Variants in HS6ST3 observed in about 807,000 individuals in gnomAD.
HS6ST3 encodes heparan-sulfate 6-O-sulfotransferase 3.
A neutral mutation model predicts 36.7 loss-of-function variants in HS6ST3; 12 were observed. That is an observed-to-expected ratio of 0.33 (90% confidence interval 0.21 to 0.53). The LOEUF (loss-of-function observed/expected upper bound fraction) is 0.53. Among genes scored for constraint, HS6ST3 ranks in the 20% least tolerant of loss-of-function variants. HS6ST3 has a pLI of 0.95. For synonymous variants in HS6ST3, 240 were observed against 257.5 expected (o/e 0.93, Z 0.65); for missense variants, 584 against 640.9 (o/e 0.91, Z 0.96).
intron 1 of HS6ST3, among the ~76,000 whole-genome samples, chr13:96,433,006 C>A (rs569330271): frequency 7.9e-5 from 12 of 152,220 alleles, no homozygotes; most frequent in Admixed American, 6.5e-4. Context: ...CTGGGCAGGC[C>A]TATTTGGCTA....
chr13:96,100,492 G>C lies in HS6ST3; in HGVS notation c.707+8923G>C, dbSNP rs888829574. ...CTGTTAACCCCATTGGATGTGAAGAGGCAAAAGGAGAGAACTGTGTTATCA... is the reference window on the plus strand; with the variant it reads ...CTGTTAACCCCATTGGATGTGAAGACGCAAAAGGAGAGAACTGTGTTATCA... On this transcript the variant is annotated intron_variant, in intron 1 of 1. Transcript: ENST00000376705. 7.9e-5 allele frequency among the ~76,000 whole-genome samples: 12 copies of C among 152,288 alleles called. No individual in the cohort carries two copies. The South Asian group carries it at 8.3e-4, about 11-fold the overall frequency.
chr13:96,799,747 A>G (rs1345632353), intron 1 of HS6ST3, among the ~76,000 whole-genome samples: 1 of 150,262 alleles, frequency 6.7e-6, no homozygotes, highest in Non-Finnish European at 1.5e-5. Context: ...TAACCTGCAC[A>G]TTGTGCACAT....
At chr13:96,733,601 G>C (rs1566440813) in intron 1 of HS6ST3, among the ~76,000 whole-genome samples, 1 of 152,138 alleles carries the variant, frequency 6.6e-6, no homozygotes, top group Non-Finnish European at 1.5e-5. Flanking sequence ...TAACAATTTT[G>C]ATATTTGTCA....
chr13:96,188,219 G>GT (rs1384213790), intron 1 of HS6ST3, among the ~76,000 whole-genome samples: 3 of 152,176 alleles, frequency 2.0e-5, no homozygotes, highest in Non-Finnish European at 4.4e-5. Context: ...AGTATGATAT[G>GT]TAGGTGTATT....
At chr13:96,821,256 T>C (rs988320183) in intron 1 of HS6ST3, among the ~76,000 whole-genome samples, 1 of 152,204 alleles carries the variant, frequency 6.6e-6, no homozygotes, top group African/African-American at 2.4e-5. Context: ...ATCCCTGGCC[T>C]TGCAAGATGC....
At chr13:96,628,683 A>G (rs189755874) in intron 1 of HS6ST3, among the ~76,000 whole-genome samples, 14 of 152,222 alleles carry the variant, frequency 9.2e-5, no homozygotes, top group African/African-American at 3.1e-4. Context: ...TAATTCTAAA[A>G]TCACTATGTC....
intron 1 of HS6ST3, among the ~76,000 whole-genome samples, chr13:96,428,376 G>T (rs765534224): frequency 6.6e-6 from 1 of 152,150 alleles, no homozygotes; most frequent in Non-Finnish European, 1.5e-5. Flanking sequence ...ATCACGGACT[G>T]GGTGGTTTAA....
intron 1 of HS6ST3, among the ~76,000 whole-genome samples, chr13:96,501,789 C>G (rs1398806188): frequency 6.6e-6 from 1 of 152,224 alleles, no homozygotes; most frequent in African/African-American, 2.4e-5. Context: ...TATAAAACAT[C>G]AAATGAATCC....
intron 1 of HS6ST3, among the ~76,000 whole-genome samples, chr13:96,491,059 G>A (rs368815430): frequency 2.6e-5 from 4 of 152,176 alleles, no homozygotes; most frequent in South Asian, 2.1e-4. Context: ...CTGGGAGACC[G>A]TAGGGTATAT....
intron 1 of HS6ST3, among the ~76,000 whole-genome samples, chr13:96,338,569 A>G (rs968285280): frequency 1.3e-5 from 2 of 152,072 alleles, no homozygotes; most frequent in Admixed American, 6.6e-5. Context: ...GACATTACCA[A>G]TATCTGTCAG....
At chr13:96,166,098 G>A (rs2054158943) in intron 1 of HS6ST3, among the ~76,000 whole-genome samples, 1 of 151,786 alleles carries the variant, frequency 6.6e-6, no homozygotes, top group South Asian at 2.1e-4. Flanking sequence ...TGCCCAGGCT[G>A]GAGTGCAGTG....
At chr13:96,765,060 C>CTTTTT (rs11423735) in intron 1 of HS6ST3, among the ~76,000 whole-genome samples, 287 of 93,886 alleles carry the variant, frequency 3.1e-3, no homozygotes, top group Non-Finnish European at 3.9e-3. Context: ...TTGTTTCTTT[C>CTTTTT]TTTTTTTTTT....
chr13:96,115,469 A>C (rs753729770), intron 1 of HS6ST3, among the ~76,000 whole-genome samples: 5 of 151,818 alleles, frequency 3.3e-5, no homozygotes, highest in East Asian at 3.9e-4. Flanking sequence ...TCATTGTTCA[A>C]CTCCCACTTA....
chr13:96,567,347 A>G (rs994987872), intron 1 of HS6ST3, among the ~76,000 whole-genome samples: 1 of 152,146 alleles, frequency 6.6e-6, no homozygotes, highest in Non-Finnish European at 1.5e-5. Context: ...GAGTTACCAG[A>G]GAGGGGGTGG....
chr13:96,164,925 A>G (rs1041341548), intron 1 of HS6ST3, among the ~76,000 whole-genome samples: 1 of 152,174 alleles, frequency 6.6e-6, no homozygotes, highest in African/African-American at 2.4e-5. Context: ...CCACGGATAC[A>G]TATTTCATAT....
Position 96,667,198 on chromosome 13 carries a change from CAG to C in HS6ST3, c.708-165288_708-165287del, listed in dbSNP as rs567024804. On this transcript the variant is annotated intron_variant, in intron 1 of 1. Transcript: ENST00000376705. ...CTACATTTGTAAGGCAATATTAAAA[CAG>C]AGAAATAGCAGTAAGTAGCAGACAA... Among the ~76,000 whole-genome samples the C allele has an allele frequency of 3.2e-3, 489 of 152,192 alleles. 1 individual carries two copies. Among genetic ancestry groups the C allele is most frequent in the Non-Finnish European group, 4.5e-3 (307 of 67,998 alleles).
intron 1 of HS6ST3, among the ~76,000 whole-genome samples, chr13:96,457,777 C>T (rs934268940): frequency 6.6e-6 from 1 of 152,120 alleles, no homozygotes; most frequent in African/African-American, 2.4e-5. Context: ...TCATTAGATA[C>T]TCTTGAGTAA....
At chr13:96,126,640 C>T (rs78940079) in intron 1 of HS6ST3, among the ~76,000 whole-genome samples, 3,060 of 152,106 alleles carry the variant, frequency 0.02, 88 homozygotes, top group African/African-American at 0.068. Flanking sequence ...GGGTTATGTA[C>T]GGTATTTGGG....
In HS6ST3 at chr13:96,581,222, AT is replaced by A. The variant is rs11411556; in HGVS notation, c.708-251253del. On this transcript the variant is annotated intron_variant, in intron 1 of 1. Coordinates refer to ENST00000376705, the MANE Select transcript of HS6ST3 (RefSeq NM_153456.4). ...ACAGTCATTTCATGCAACAACTACTATTTTTTTTTTTTTTTGAGACGGAGTC... is the reference window on the plus strand; with the variant it reads ...ACAGTCATTTCATGCAACAACTACTATTTTTTTTTTTTTTGAGACGGAGTC... Among the ~76,000 whole-genome samples the A allele has an allele frequency of 1.6e-3, 231 of 142,710 alleles. 1 individual carries two copies. Among genetic ancestry groups the A allele is most frequent in the East Asian group, 4.1e-3 (20 of 4,846 alleles). The allele number at this position is 142,710 out of a possible 152,430, so 93.6% of individuals were successfully genotyped here.
Sources: gnomAD v4.1 joint callset for allele counts (sites outside exome capture counted in the v4.1 genomes callset) on GRCh38, gnomAD v4.1.1 for gene constraint, MANE v1.5 for transcripts, NCBI Gene and HGNC (gene_info 2026-07-23, HGNC 2026-07-21) for gene names.